The following DPYD variants were observed in gnomAD, a reference collection of about 807,000 sequenced individuals.
The protein encoded by DPYD is dihydropyrimidine dehydrogenase [NADP(+)].
A neutral mutation model predicts 116.2 loss-of-function variants in DPYD; 109 were observed. The ratio of observed to expected loss-of-function variants is 0.94; its 90% CI spans 0.80 to 1.10. The LOEUF is 1.10. Ranked by LOEUF, DPYD falls within the 50% of genes least tolerant of loss-of-function variation. The pLI is 0.00. For synonymous variants in DPYD, 440 were observed against 432.0 expected, an observed-to-expected ratio of 1.02 and a Z score of -0.23; for missense variants, 1,302 against 1,254.5, an observed-to-expected ratio of 1.04 and a Z score of -0.57.
chr1:97,433,672 A>T (rs1188957939), intron 14 of DPYD, among the ~76,000 whole-genome samples: 1 of 152,184 alleles, frequency 6.6e-6, no homozygotes, highest in Non-Finnish European at 1.5e-5. Flanking sequence ...ACCATATGGT[A>T]TCTATTATCC....
At chr1:97,319,528 C>T (rs1225863119) in intron 16 of DPYD, among the ~76,000 whole-genome samples, 1 of 140,972 alleles carries the variant, frequency 7.1e-6, no homozygotes, top group Non-Finnish European at 1.5e-5. Flanking sequence ...CAAGACTAAA[C>T]CAGGAAGCAG....
At chr1:97,122,527 T>C (rs148151498) in intron 20 of DPYD, among the ~76,000 whole-genome samples, 241 of 152,286 alleles carry the variant, frequency 1.6e-3, no homozygotes, top group African/African-American at 5.5e-3. Context: ...TCAGAGACTT[T>C]GCAATTTTGC....
intron 18 of DPYD, among the ~76,000 whole-genome samples, chr1:97,255,786 C>G (rs914997975): frequency 6.6e-6 from 1 of 151,552 alleles, no homozygotes; most frequent in African/African-American, 2.4e-5. Context: ...GTGGTGGCAC[C>G]AGGATTTTAC....
rs768697025 is a variant in DPYD, at chr1:97,580,227, A to G, written c.1129-6257T>C. 1.7e-3 allele frequency among the ~76,000 whole-genome samples: 261 copies of G among 152,374 alleles called. 1 individual carries two copies. Among genetic ancestry groups the G allele is most frequent in the Non-Finnish European group, 3.0e-3 (202 of 68,038 alleles). On this transcript the variant is annotated intron_variant, in intron 10 of 22. Transcript: ENST00000370192. Reference sequence around the variant, plus strand: ...AAGCCAAAGTTTGAGAAGCAATATGAAGAAACAACATTCTTTATAAAGGTT... The same window carrying G: ...AAGCCAAAGTTTGAGAAGCAATATGGAGAAACAACATTCTTTATAAAGGTT...
intron 8 of DPYD, among the ~76,000 whole-genome samples, chr1:97,670,623 T>C (rs1279349047): frequency 1.3e-5 from 2 of 152,182 alleles, no homozygotes; most frequent in African/African-American, 4.8e-5. Flanking sequence ...CCACCCAGTC[T>C]ATGCTATTTT....
intron 18 of DPYD, among the ~76,000 whole-genome samples, chr1:97,257,452 T>TATATATATATATATATAGAG (rs375490078): frequency 7.9e-5 from 10 of 126,464 alleles, no homozygotes; most frequent in South Asian, 2.7e-4. Context: ...TATATATATA[T>TATATATATATATATATAGAG]AGAGAGAGAG....
intron 16 of DPYD, among the ~76,000 whole-genome samples, chr1:97,362,520 G>A (rs1313351667): frequency 6.6e-6 from 1 of 152,096 alleles, no homozygotes; most frequent in African/African-American, 2.4e-5. Flanking sequence ...AAAGAACAAA[G>A]CTGGAGGCAT....
At chr1:97,297,210 G>A (rs972228276) in intron 18 of DPYD, among the ~76,000 whole-genome samples, 4 of 152,134 alleles carry the variant, frequency 2.6e-5, no homozygotes, top group Non-Finnish European at 5.9e-5. Context: ...CAAAAGCATA[G>A]CAAGTAAAGT....
At chr1:97,700,956 T>C in intron 5 of DPYD, among the ~76,000 whole-genome samples, 1 of 151,244 alleles carries the variant, frequency 6.6e-6, no homozygotes, top group East Asian at 1.9e-4. Flanking sequence ...TTAATTAAAA[T>C]TATTATAAAT....
intron 10 of DPYD, among the ~76,000 whole-genome samples, chr1:97,574,567 C>G (rs1262865877): frequency 6.6e-6 from 1 of 152,092 alleles, no homozygotes; most frequent in Non-Finnish European, 1.5e-5. Context: ...AGCATGTCCT[C>G]CTGATGAATG....
intron 19 of DPYD, among the ~76,000 whole-genome samples, chr1:97,214,291 A>G (rs1297615404): frequency 1.3e-5 from 2 of 152,178 alleles, no homozygotes; most frequent in Non-Finnish European, 2.9e-5. Context: ...TCACCTGTGT[A>G]CCACTCATAG....
In DPYD at chr1:97,193,101, G is replaced by C. The variant is rs766833304; in HGVS notation, c.2590C>G (p.Pro864Ala). 2.6e-5 allele frequency: 42 copies of C among 1,613,922 alleles called. No homozygotes were observed. The South Asian group carries it at 4.3e-4, about 16-fold the overall frequency. The change falls in exon 20 of 23, where the codon CCA becomes GCA. Residue 864 changes from proline (P) to alanine (A), a missense_variant. Coordinates refer to ENST00000370192, the MANE Select transcript of DPYD (RefSeq NM_000110.4). ...PATVSHQKGK[P>A]VPRIAELMDK... is the part of the protein sequence containing the mutation. ...ATGAGTTCAGCTATACGTGGAACTGGTTTCCCTTTCTGGTGACTCACAGTA... is the reference window on the plus strand; with the variant it reads ...ATGAGTTCAGCTATACGTGGAACTGCTTTCCCTTTCTGGTGACTCACAGTA...
intron 8 of DPYD, among the ~76,000 whole-genome samples, chr1:97,646,557 T>C (rs1658272738): frequency 1.3e-5 from 2 of 152,286 alleles, no homozygotes; most frequent in African/African-American, 4.8e-5. Context: ...TTAAGTTTTC[T>C]TCTTTTAAAT....
intron 13 of DPYD, among the ~76,000 whole-genome samples, chr1:97,456,737 A>G (rs1447979638): frequency 2.0e-5 from 3 of 152,122 alleles, no homozygotes; most frequent in Non-Finnish European, 4.4e-5. Context: ...GGACCAGTAG[A>G]TTTAAATTCA....
intron 3 of DPYD, among the ~76,000 whole-genome samples, chr1:97,813,712 G>A (rs1405480941): frequency 6.6e-6 from 1 of 152,144 alleles, no homozygotes. Context: ...CTATAAGCCT[G>A]AAGTTAGAAA....
intron 15 of DPYD, among the ~76,000 whole-genome samples, chr1:97,376,632 C>T (rs1375597480): frequency 6.6e-6 from 1 of 152,034 alleles, no homozygotes; most frequent in Non-Finnish European, 1.5e-5. Flanking sequence ...TTCAAAAAGC[C>T]TTAATTGCTG....
chr1:97,118,771 G>A (rs1331853986), intron 20 of DPYD, among the ~76,000 whole-genome samples: 1 of 152,078 alleles, frequency 6.6e-6, no homozygotes, highest in Non-Finnish European at 1.5e-5. Context: ...AGAACCAAAT[G>A]GAAGAAAAAT....
rs115084518 is a variant in DPYD, at chr1:97,771,732, G to A, written c.234-31253C>T. ...TCTGACTTCATCTGTCAATATGATA[G>A]ACAGTACGTTAGCCCCACAGATTTT... is the stretch of plus-strand genomic sequence containing the variant. On this transcript the variant is annotated intron_variant, in intron 3 of 22. Transcript: ENST00000370192. Among the ~76,000 whole-genome samples the A allele has an allele frequency of 5.7e-3, 864 of 152,186 alleles. 10 individuals carry two copies. The highest frequency in any genetic ancestry group is 0.019 in the African/African-American group (807 of 41,524).
chr1:97,771,365 A>G (rs956503934), intron 3 of DPYD, among the ~76,000 whole-genome samples: 2 of 152,246 alleles, frequency 1.3e-5, no homozygotes, highest in African/African-American at 4.8e-5. Context: ...GCTATTTCAC[A>G]TTTCTAGTAA....
Sources: allele counts gnomAD v4.1 joint callset (sites outside exome capture counted in the v4.1 genomes callset), GRCh38; gene constraint gnomAD v4.1.1; transcripts MANE v1.5; gene names NCBI Gene and HGNC (gene_info 2026-07-23, HGNC 2026-07-21).